Variants in PADI4 observed in about 807,000 individuals in gnomAD.
PADI4 encodes the protein protein-arginine deiminase type-4.
PADI4 carries 62 observed loss-of-function variants against 75.0 expected under a neutral mutation model. That is an observed-to-expected ratio of 0.83 (90% CI 0.67 to 1.02). The LOEUF (loss-of-function observed/expected upper bound fraction) is 1.02, where lower values mean the gene tolerates loss of function less well. PADI4 is among the 50% of genes least tolerant of loss of function. The probability of loss-of-function intolerance (pLI) is 0.00; values close to 1 mark genes in which losing one functional copy is unlikely to be tolerated. For missense variants in PADI4, 845 were observed against 850.5 expected (o/e 0.99, Z 0.08); for synonymous variants, 361 against 348.1 (o/e 1.04, Z -0.41).
At chr1:17,334,802 CA>C in intron 3 of PADI4, 1 of 352,678 alleles carries the variant, frequency 2.8e-6, no homozygotes, top group Non-Finnish European at 5.5e-6. Context: ...AACTTGACCT[CA>C]TTTTGAACAA....
At chr1:17,309,058 C>T (rs549038382) in intron 1 of PADI4, among the ~76,000 whole-genome samples, 2 of 150,946 alleles carry the variant, frequency 1.3e-5, no homozygotes, top group Non-Finnish European at 2.9e-5. Context: ...GGAATGCTCT[C>T]GGGGAGTGTG....
intron 1 of PADI4, among the ~76,000 whole-genome samples, chr1:17,315,648 A>G (rs548318545): frequency 1.3e-5 from 2 of 152,044 alleles, no homozygotes; most frequent in Admixed American, 1.3e-4. Context: ...AGGACCCCCA[A>G]CACTGGCTCC....
At chr1:17,314,236 C>T (rs115109055) in intron 1 of PADI4, among the ~76,000 whole-genome samples, 2,061 of 152,284 alleles carry the variant, frequency 0.014, 26 homozygotes, top group Middle Eastern at 0.034. Context: ...AGACACAGGG[C>T]GTGTCCCTCT....
At chr1:17,333,315 C>T (rs1041357423) in intron 2 of PADI4, among the ~76,000 whole-genome samples, 2 of 151,986 alleles carry the variant, frequency 1.3e-5, no homozygotes, top group Non-Finnish European at 2.9e-5. Context: ...GCTCCTCTTC[C>T]TCTGGTGGCA....
At chr1:17,342,242 G>T in intron 7 of PADI4, 57 bp from the exon 8 acceptor site, 2 of 1,420,734 alleles carry the variant, frequency 1.4e-6, no homozygotes, top group Non-Finnish European at 9.9e-7. Flanking sequence ...GAAGTGGTAG[G>T]TGCTGGGCCC....
At chr1:17,317,287 C>T (rs913144570) in intron 1 of PADI4, among the ~76,000 whole-genome samples, 12 of 151,198 alleles carry the variant, frequency 7.9e-5, no homozygotes, top group East Asian at 2.0e-4. Flanking sequence ...GACATAATGC[C>T]GACGGAGTCT....
At chr1:17,352,614 T>C (rs770796324) in intron 10 of PADI4, among the ~76,000 whole-genome samples, 19 of 152,070 alleles carry the variant, frequency 1.2e-4, no homozygotes, top group Non-Finnish European at 2.2e-4. Context: ...ACCCCCGCTA[T>C]GAGAGAGGCA....
At chr1:17,339,141 C>A (rs1298209287) in intron 5 of PADI4, among the ~76,000 whole-genome samples, 1 of 152,204 alleles carries the variant, frequency 6.6e-6, no homozygotes, top group African/African-American at 2.4e-5. Flanking sequence ...CACCCAGATC[C>A]CAGATTCAAA....
At chr1:17,311,452 A>G (rs974177108) in intron 1 of PADI4, among the ~76,000 whole-genome samples, 2 of 152,036 alleles carry the variant, frequency 1.3e-5, no homozygotes, top group African/African-American at 4.8e-5. Context: ...AGGAGGTGCC[A>G]ACTGCAAAGG....
rs149245951 is a variant in PADI4, at chr1:17,358,759, TC to T, written c.1559-71del. On this transcript the variant is annotated intron_variant, in intron 13 of 15. Coordinates refer to ENST00000375448, the MANE Select transcript of PADI4 (RefSeq NM_012387.3). ...CCATTTTATAGATGGGAACACTGAG[TC>T]CCCCCCCGGCACTGGCTGGGAAGAG... 1.0e-3 allele frequency: 873 copies of T among 866,236 alleles called. 3 individuals are homozygous for T. The highest frequency in any genetic ancestry group is 1.6e-3 in the East Asian group (59 of 37,382). The allele number at this position is 866,236 out of a possible 1,614,324, so 53.7% of individuals were successfully genotyped here.
chr1:17,359,843 A>C (rs2074824228), intron 15 of PADI4, among the ~76,000 whole-genome samples: 1 of 152,242 alleles, frequency 6.6e-6, no homozygotes, highest in Admixed American at 6.5e-5. Context: ...TCAGTGAACC[A>C]GTCCAAGGAG....
intron 15 of PADI4, among the ~76,000 whole-genome samples, chr1:17,361,234 T>C (rs2074843356): frequency 6.6e-6 from 1 of 152,152 alleles, no homozygotes; most frequent in African/African-American, 2.4e-5. Context: ...CAAAAGATTG[T>C]GTGTAGAATA....
chr1:17,352,902 A>C (rs1244245268), intron 10 of PADI4, among the ~76,000 whole-genome samples: 2 of 152,208 alleles, frequency 1.3e-5, no homozygotes, highest in African/African-American at 2.4e-5. Flanking sequence ...GAGACTTGGC[A>C]GGACGACTGA....
rs201678308 is a variant in PADI4, at chr1:17,363,484, C to T, written c.1759-38C>T. ...CGCTCAGATTGCGCTGCAGGCTGCC[C>T]GCTGCTGCCTGTGACCTGAACCCTC... On this transcript the variant is annotated intron_variant, in intron 15 of 15. Coordinates refer to ENST00000375448, the MANE Select transcript of PADI4 (RefSeq NM_012387.3). 82 of 1,452,214 alleles carry T rather than the reference C, an allele frequency of 5.6e-5. No homozygotes were observed. In the Admixed American group the frequency reaches 9.4e-4, roughly 17 times the overall value. 90.0% of individuals were successfully genotyped at this position (1,452,214 alleles called of 1,614,324 possible).
intron 3 of PADI4, among the ~76,000 whole-genome samples, chr1:17,334,986 A>G (rs2074284712): frequency 6.6e-6 from 1 of 151,018 alleles, no homozygotes; most frequent in South Asian, 2.1e-4. Flanking sequence ...TACAAAAAAT[A>G]AAAAAAAACA....
intron 6 of PADI4, among the ~76,000 whole-genome samples, chr1:17,340,068 A>G (rs930487264): frequency 2.6e-5 from 4 of 151,810 alleles, no homozygotes; most frequent in Non-Finnish European, 4.4e-5. Context: ...ACACACACAC[A>G]CACACACACA....
At chr1:17,336,042 G>T in intron 3 of PADI4, 117 bp from the exon 4 acceptor site, 1 of 682,654 alleles carries the variant, frequency 1.5e-6, no homozygotes, top group Non-Finnish European at 2.7e-6. Context: ...GGGAAGAGGG[G>T]CTCACACTAT....
Position 17,342,326 on chromosome 1 carries a change from G to A in PADI4, c.859G>A (p.Asp287Asn), listed in dbSNP as rs770354548. ...GCTCCCCGAGGCTGTGGTGTTCCAAGACAGCGTGGTCTTCCGCGTGGCGCC... is the reference window on the plus strand; with the variant it reads ...GCTCCCCGAGGCTGTGGTGTTCCAAAACAGCGTGGTCTTCCGCGTGGCGCC... Reference protein sequence around the residue: ...LELPEAVVFQDSVVFRVAPWI... With the variant: ...LELPEAVVFQNSVVFRVAPWI... Residue 287 changes from aspartate to asparagine, a missense_variant, in exon 8 of 16, where the codon GAC becomes AAC. Transcript: ENST00000375448. The A allele has an allele frequency of 1.2e-6, 2 of 1,613,704 alleles. No individual in the cohort carries two copies. The highest frequency in any genetic ancestry group is 1.7e-5 in the Admixed American group (1 of 60,012).
chr1:17,339,936 G>A (rs2074385224), intron 6 of PADI4, 123 bp downstream of exon 6: 13 of 1,028,278 alleles, frequency 1.3e-5, no homozygotes, highest in Admixed American at 2.4e-5. Context: ...AACAGCAGAC[G>A]CAGCAGTGGG....
Sources: allele counts gnomAD v4.1 joint callset (sites outside exome capture counted in the v4.1 genomes callset), GRCh38; gene constraint gnomAD v4.1.1; transcripts MANE v1.5; gene names NCBI Gene and HGNC (gene_info 2026-07-23, HGNC 2026-07-21).